The following TLL1 variants were observed in gnomAD, a reference collection of about 807,000 sequenced individuals.
The protein encoded by TLL1 is tolloid like 1.
In TLL1, 49 loss-of-function variants were observed where a neutral mutation model predicts 128.2. The ratio of observed to expected loss-of-function variants is 0.38; its 90% CI spans 0.30 to 0.48. The LOEUF (loss-of-function observed/expected upper bound fraction) is 0.48, where lower values mean the gene tolerates loss of function less well. Ranked by LOEUF, TLL1 falls within the 20% of genes least tolerant of loss-of-function variation. The probability of loss-of-function intolerance (pLI) is 0.96; values close to 1 mark genes in which losing one functional copy is unlikely to be tolerated. For synonymous variants in TLL1, 454 were observed against 418.8 expected (o/e 1.08, Z -1.03); for missense variants, 1,123 against 1,242.0 (o/e 0.90, Z 1.44).
rs546136849 is a variant in TLL1, at chr4:166,087,021, A to T, written c.2443-4107A>T. ...CTTGCTAGAAAAGGGACAAAGTTCT[A>T]AATGTGTAAGTACAAGTATCTGTTA... On this transcript the variant is annotated intron_variant, in intron 18 of 20. Transcript: ENST00000061240. Among the ~76,000 whole-genome samples the T allele has an allele frequency of 2.6e-5, 4 of 152,292 alleles. No homozygotes were observed. In the East Asian group the frequency reaches 7.7e-4, roughly 29 times the overall value.
intron 18 of TLL1, 120 bp downstream of exon 18, chr4:166,078,150 A>AT (rs1383204219): frequency 2.0e-6 from 3 of 1,478,416 alleles, no homozygotes; most frequent in East Asian, 2.4e-5. Flanking sequence ...GCTGGAAAAG[A>AT]TTTTTTGTCT....
At position 165,968,789 on chromosome 4, in the gene TLL1, T is replaced by TTTAAA. The variant is rs59053619; in HGVS notation, c.170-20591_170-20587dup. Among the ~76,000 whole-genome samples, 777 of 152,296 alleles carry TTTAAA rather than the reference T, an allele frequency of 5.1e-3. 11 individuals are homozygous for TTTAAA. Among genetic ancestry groups the TTTAAA allele is most frequent in the African/African-American group, 0.017 (722 of 41,576 alleles). On this transcript the variant is annotated intron_variant, in intron 1 of 20. Coordinates refer to ENST00000061240, the MANE Select transcript of TLL1 (RefSeq NM_012464.5). ...ATAGAATTGTTGTAGTAGTTCATCT[T>TTTAAA]TTAAAAGTCAGAGTTTCTCCCATTC...
In TLL1 at chr4:165,994,701, G is replaced by A. The variant is rs4691229; in HGVS notation, c.514+168G>A. ...GTGTAGAGTGTCTTTGAAATTGAAA[G>A]CATATCTTTGGTATTGTGTTCTAAG... On this transcript the variant is annotated intron_variant, in intron 4 of 20. Coordinates refer to ENST00000061240, the MANE Select transcript of TLL1 (RefSeq NM_012464.5). Among the ~76,000 whole-genome samples the A allele has an allele frequency of 0.73, 111,606 of 152,142 alleles. 41,332 individuals carry two copies. The highest frequency in any genetic ancestry group is 0.82 in the African/African-American group (34,171 of 41,528).
At chr4:165,893,963 C>T (rs574408320) in intron 1 of TLL1, among the ~76,000 whole-genome samples, 1 of 152,146 alleles carries the variant, frequency 6.6e-6, no homozygotes, top group Non-Finnish European at 1.5e-5. Flanking sequence ...TCATTGTTGT[C>T]TTGCACCCAA....
intron 19 of TLL1, among the ~76,000 whole-genome samples, chr4:166,098,227 T>A (rs1742114513): frequency 6.8e-6 from 1 of 148,002 alleles, no homozygotes; most frequent in African/African-American, 2.5e-5. Context: ...GCCAGTTACT[T>A]GGGAGGGTGA....
intron 17 of TLL1, among the ~76,000 whole-genome samples, chr4:166,076,826 CT>C: frequency 6.6e-6 from 1 of 152,246 alleles, no homozygotes; most frequent in South Asian, 2.1e-4. Flanking sequence ...TTATTGTAAT[CT>C]TCTGTTGCAA....
At chr4:165,965,850 A>T (rs749020332) in intron 1 of TLL1, among the ~76,000 whole-genome samples, 3 of 152,180 alleles carry the variant, frequency 2.0e-5, no homozygotes, top group Non-Finnish European at 4.4e-5. Flanking sequence ...TAGTATTAAG[A>T]GTGGTAGCAT....
chr4:165,935,097 A>C lies in TLL1; in HGVS notation c.170-54284A>C, dbSNP rs528025237. On this transcript the variant is annotated intron_variant, in intron 1 of 20. Coordinates refer to ENST00000061240, the MANE Select transcript of TLL1 (RefSeq NM_012464.5). ...TATAAAATGTTTTTAAAATAATAAT[A>C]ATATGCAGTAGTTACTCTCATTTTG... is the stretch of plus-strand genomic sequence containing the variant. Among the ~76,000 whole-genome samples the C allele has an allele frequency of 5.0e-4, 76 of 152,310 alleles. 1 individual carries two copies. Among genetic ancestry groups the C allele is most frequent in the African/African-American group, 1.5e-3 (64 of 41,566 alleles).
At chr4:165,957,776 T>C (rs1171231447) in intron 1 of TLL1, among the ~76,000 whole-genome samples, 5 of 151,068 alleles carry the variant, frequency 3.3e-5, no homozygotes, top group Non-Finnish European at 7.4e-5. Context: ...GTTAGTTACA[T>C]ACGTATACAT....
At chr4:165,906,774 A>G (rs1732276969) in intron 1 of TLL1, among the ~76,000 whole-genome samples, 1 of 148,548 alleles carries the variant, frequency 6.7e-6, no homozygotes, top group African/African-American at 2.5e-5. Context: ...ATCTTAGTGT[A>G]GTGATTTTAT....
At chr4:166,059,709 C>A (rs970023343) in intron 14 of TLL1, among the ~76,000 whole-genome samples, 4 of 151,832 alleles carry the variant, frequency 2.6e-5, no homozygotes, top group Non-Finnish European at 5.9e-5. Context: ...ATTATTAGAC[C>A]AACTCTAAAG....
At chr4:165,988,695 G>A (rs1736497642) in intron 1 of TLL1, among the ~76,000 whole-genome samples, 2 of 151,848 alleles carry the variant, frequency 1.3e-5, no homozygotes, top group South Asian at 2.1e-4. Context: ...TAATGACTTG[G>A]TGGCTCTTGA....
At chr4:165,974,059 T>G (rs1735754338) in intron 1 of TLL1, among the ~76,000 whole-genome samples, 1 of 151,350 alleles carries the variant, frequency 6.6e-6, no homozygotes, top group Non-Finnish European at 1.5e-5. Context: ...AACTGTACCC[T>G]GGCATAGCTG....
chr4:165,873,435 AGGC>A lies in TLL1; in HGVS notation c.-460_-458del. 6.5e-6 allele frequency: 1 copy of A among 153,138 alleles called. No individual in the cohort carries two copies. Among genetic ancestry groups the A allele is most frequent in the Non-Finnish European group, 1.5e-5 (1 of 68,818 alleles). 9.5% of individuals were successfully genotyped at this position (153,138 alleles called of 1,614,324 possible). On this transcript the variant is annotated 5_prime_UTR_variant, in exon 1 of 21. Transcript: ENST00000061240. ...GAGCTGCGGCGGCGGCTTTGGGCTCAGGCGGCGGCGGCTCGCGCTCGGCCGCGG... is the reference window on the plus strand; with the variant it reads ...GAGCTGCGGCGGCGGCTTTGGGCTCAGGCGGCGGCTCGCGCTCGGCCGCGG...
In TLL1 at chr4:165,995,050, A is replaced by AT. The variant is rs777482439; in HGVS notation, c.515-5dup. 223 of 1,611,848 alleles carry AT rather than the reference A, an allele frequency of 1.4e-4. No individual in the cohort carries two copies. The highest frequency in any genetic ancestry group is 1.7e-4 in the Non-Finnish European group (199 of 1,178,298). On this transcript the variant is annotated splice_polypyrimidine_tract_variant and intron_variant, in intron 4 of 20. Transcript: ENST00000061240. ...TGCCACCTTTTCATTAACATCACACATTTTTTCTAGGCAGCCAGAGAGCCA... is the reference window on the plus strand; with the variant it reads ...TGCCACCTTTTCATTAACATCACACATTTTTTTCTAGGCAGCCAGAGAGCCA...
chr4:166,026,658 G>A (rs1343334787), intron 9 of TLL1, among the ~76,000 whole-genome samples: 1 of 151,902 alleles, frequency 6.6e-6, no homozygotes. Flanking sequence ...TTGCACTGCA[G>A]CCTGGACGAT....
At chr4:166,010,410 G>A (rs1159068609) in intron 7 of TLL1, among the ~76,000 whole-genome samples, 3 of 150,636 alleles carry the variant, frequency 2.0e-5, no homozygotes, top group African/African-American at 4.9e-5. Flanking sequence ...TTATATGCTC[G>A]GTGGCATTTG....
intron 1 of TLL1, among the ~76,000 whole-genome samples, chr4:165,926,550 G>A (rs189255911): frequency 6.6e-6 from 1 of 152,188 alleles, no homozygotes; most frequent in African/African-American, 2.4e-5. Flanking sequence ...AGAAGGCAGA[G>A]GGGGGAGTCC....
At chr4:166,079,315 A>AT (rs751266448) in intron 18 of TLL1, among the ~76,000 whole-genome samples, 1 of 151,910 alleles carries the variant, frequency 6.6e-6, no homozygotes, top group Non-Finnish European at 1.5e-5. Context: ...CTCAATCCAA[A>AT]TTTTTTTTGG....
Sources: gnomAD v4.1 joint callset for allele counts (sites outside exome capture counted in the v4.1 genomes callset) on GRCh38, gnomAD v4.1.1 for gene constraint, MANE v1.5 for transcripts, NCBI Gene and HGNC (gene_info 2026-07-23, HGNC 2026-07-21) for gene names.